ARHGAP45: variants seen among roughly 807,000 people sequenced by gnomAD.
The protein encoded by ARHGAP45 is Rho GTPase activating protein 45.
Under a neutral mutation model 116.1 loss-of-function variants are expected in ARHGAP45, and 56 were observed. That is an observed-to-expected ratio of 0.48 (90% CI 0.39 to 0.60). ARHGAP45 has a LOEUF of 0.60. Among genes scored for constraint, ARHGAP45 ranks in the 20% least tolerant of loss-of-function variants. ARHGAP45 has a pLI of 0.00. For synonymous variants in ARHGAP45, 866 were observed against 701.7 expected, an observed-to-expected ratio of 1.23 and a Z score of -3.70; for missense variants, 1,622 against 1,601.0, an observed-to-expected ratio of 1.01 and a Z score of -0.22.
In ARHGAP45 at chr19:1,083,125, C is replaced by T. The variant is rs1240299362; in HGVS notation, c.2745-18C>T. ...GTCCCGGGAGCCGCTCAGCACCTGG[C>T]CCCTGCCCACCCCGCAGGATCGTGG... On this transcript the variant is annotated intron_variant, in intron 20 of 22. Transcript: ENST00000313093. The T allele has an allele frequency of 3.1e-6, 5 of 1,595,270 alleles. No individual in the cohort carries two copies. Among genetic ancestry groups the T allele is most frequent in the Non-Finnish European group, 3.4e-6 (4 of 1,173,872 alleles).
intron 11 of ARHGAP45, among the ~76,000 whole-genome samples, 186 bp downstream of exon 11, chr19:1,078,231 C>T (rs2043317434): frequency 6.6e-6 from 1 of 152,006 alleles, no homozygotes; most frequent in Non-Finnish European, 1.5e-5. Context: ...GCAAGCTCCG[C>T]CTCCCGGGTT....
chr19:1,073,446 T>G, intron 3 of ARHGAP45, 60 bp from the exon 4 acceptor site: 1 of 1,583,570 alleles, frequency 6.3e-7, no homozygotes, highest in Non-Finnish European at 8.7e-7. Flanking sequence ...GGTCAGTTCT[T>G]GCAGGGATGG....
At position 1,079,938 on chromosome 19, in the gene ARHGAP45, C is replaced by G; in HGVS notation, c.1523C>G (p.Ser508Cys). Residue 508 changes from serine to cysteine, a missense_variant, in exon 13 of 23, where the codon TCC becomes TGC. Transcript: ENST00000313093. ...SDQTIKSATI[S>C]YYQMMHMQTA... ...CGGTGCCGCCCGCAGGCCACGATCTCCTACTACCAGATGATGCATATGCAG... is the reference window on the plus strand; with the variant it reads ...CGGTGCCGCCCGCAGGCCACGATCTGCTACTACCAGATGATGCATATGCAG... 1 of 1,610,960 alleles carries G rather than the reference C, an allele frequency of 6.2e-7. No individual in the cohort carries two copies. The highest frequency in any genetic ancestry group is 8.5e-7 in the Non-Finnish European group (1 of 1,178,426).
At position 1,069,732 on chromosome 19, in the gene ARHGAP45, C is replaced by T. The variant is rs568316668; in HGVS notation, c.421+988C>T. ...AATCTCGGTTCCTTTCCGATCCTGG[C>T]GCTTCCTTGGAGGCCTGGCCTGGGC... is the stretch of plus-strand genomic sequence containing the variant. On this transcript the variant is annotated intron_variant, in intron 2 of 22. Transcript: ENST00000313093. This position sits in a 1 kb window ranked among gnomAD's most constrained non-coding sequence, Gnocchi z 4.1. 5.3e-5 allele frequency among the ~76,000 whole-genome samples: 8 copies of T among 152,136 alleles called. No individual in the cohort carries two copies. The South Asian group carries it at 1.0e-3, about 20-fold the overall frequency.
Position 1,074,895 on chromosome 19 carries a change from G to T in ARHGAP45, c.1185+16G>T. The T allele has an allele frequency of 6.9e-7, 1 of 1,455,306 alleles. No individual in the cohort carries two copies. The allele number at this position is 1,455,306 out of a possible 1,614,324, so 90.1% of individuals were successfully genotyped here. A position where few individuals can be genotyped will look rare whatever the true frequency, so the allele number is the denominator to read the frequency against. ...GAGGAAGCTGGTGAGGCGGGCGGGC[G>T]GGGGCGGGCGGGGGCGGGCAGCGGG... On this transcript the variant is annotated intron_variant, in intron 10 of 22. Coordinates refer to ENST00000313093, the MANE Select transcript of ARHGAP45 (RefSeq NM_012292.5).
rs1022146910 is a variant in ARHGAP45, at chr19:1,081,366, G to T, written c.2191-184G>T. ...CCAGAAAACCAAGGGGCGGGAAGGA[G>T]AGGAGGCCACAGGGCAGGCGGGATC... On this transcript the variant is annotated intron_variant, in intron 17 of 22. Transcript: ENST00000313093. The T allele has an allele frequency of 9.2e-5, 63 of 683,926 alleles. No homozygotes were observed. In the Middle Eastern group the frequency reaches 2.5e-3, roughly 27 times the overall value. 42.4% of individuals were successfully genotyped at this position (683,926 alleles called of 1,614,324 possible).
chr19:1,065,965 G>A (rs28758984), upstream of ARHGAP45: 18 of 1,514,730 alleles, frequency 1.2e-5, no homozygotes, highest in Middle Eastern at 4.4e-4. Flanking sequence ...GGCCAGGGCC[G>A]GGCCAGAAGC....
chr19:1,075,024 G>T (rs962546819), intron 10 of ARHGAP45, 145 bp downstream of exon 10: 1 of 476,922 alleles, frequency 2.1e-6, no homozygotes, highest in Non-Finnish European at 2.9e-6. Context: ...CGCAGGCTGG[G>T]CCGCCCCCCC....
rs1043384488 is a variant in ARHGAP45 at position 1,086,161 on chromosome 19, C to T, written c.*155C>T. On this transcript the variant is annotated 3_prime_UTR_variant, in exon 23 of 23. Transcript: ENST00000313093. ...ACGTCCCACCAGCGGGCGCCTCCTC[C>T]CAGAGGCTTCCAGGAGCACGAGGGC... 2.2e-5 allele frequency: 14 copies of T among 649,638 alleles called. No homozygotes were observed. The highest frequency in any genetic ancestry group is 3.4e-5 in the Non-Finnish European group (13 of 379,524). 40.2% of individuals were successfully genotyped at this position (649,638 alleles called of 1,614,324 possible).
chr19:1,082,023 CG>C, intron 19 of ARHGAP45, 62 bp downstream of exon 19: 7 of 1,147,490 alleles, frequency 6.1e-6, no homozygotes, highest in African/African-American at 2.0e-5. Flanking sequence ...CAGGAGGAGG[CG>C]GGGTGGGGGT....
chr19:1,083,398 G>A, intron 21 of ARHGAP45, 45 bp downstream of exon 21: 1 of 1,484,176 alleles, frequency 6.7e-7, no homozygotes, highest in Non-Finnish European at 9.1e-7. Flanking sequence ...GGGGCTTGGG[G>A]AGCAGGGGGC....
At chr19:1,081,767 C>G (rs762620516) in intron 18 of ARHGAP45, 29 bp downstream of exon 18, 1 of 1,562,060 alleles carries the variant, frequency 6.4e-7, no homozygotes, top group South Asian at 1.2e-5. Flanking sequence ...CGGCTCACAG[C>G]GAGGAGGCGG....
At chr19:1,066,983 G>A (rs867180112), upstream of ARHGAP45, among the ~76,000 whole-genome samples, 1 of 152,190 alleles carries the variant, frequency 6.6e-6, no homozygotes, top group South Asian at 2.1e-4. Context: ...ACGTGTCTGT[G>A]CACGCCCACT....
intron 5 of ARHGAP45, 85 bp downstream of exon 5, chr19:1,073,831 G>A: frequency 6.5e-7 from 1 of 1,535,198 alleles, no homozygotes; most frequent in South Asian, 1.2e-5. Context: ...CAGTCACCCT[G>A]CTTCCCCTGT....
At position 1,073,962 on chromosome 19, in the gene ARHGAP45, G is replaced by A; in HGVS notation, c.738G>A (p.Leu246=). The change falls in exon 6 of 23, where the codon CTG becomes CTA. Residue 246 remains leucine, a synonymous_variant. Coordinates refer to ENST00000313093, the MANE Select transcript of ARHGAP45 (RefSeq NM_012292.5). The part of the protein sequence containing the change: ...PGDSSQSMES[L]YGPGSEGTPP... ...CCGTCCTACAGTCCATGGAAAGCCT[G>A]TATGGACCGGGCAGTGAGGGCACGC... 1 of 1,582,306 alleles carries A rather than the reference G, an allele frequency of 6.3e-7. No homozygotes were observed. Among genetic ancestry groups the A allele is most frequent in the Non-Finnish European group, 8.6e-7 (1 of 1,165,064 alleles).
intron 1 of ARHGAP45, chr19:1,067,728 G>C (rs2043065348): frequency 1.5e-6 from 1 of 687,218 alleles, no homozygotes; most frequent in Admixed American, 2.1e-5. Context: ...AGGGCTGGCC[G>C]CGGGGCCCAG....
rs1484400195 is a variant in ARHGAP45 at position 1,067,389 on chromosome 19, C to T, written c.-17C>T. The T allele has an allele frequency of 2.6e-6, 4 of 1,549,092 alleles. No individual in the cohort carries two copies. The highest frequency in any genetic ancestry group is 3.5e-6 in the Non-Finnish European group (4 of 1,150,878). On this transcript the variant is annotated 5_prime_UTR_variant, in exon 1 of 23. Transcript: ENST00000313093. ...ACCCCCAGCCCGCCCCCTCGGGCTC[C>T]CGGCCGGGGCCCCATCATGTTCTCC... is the stretch of plus-strand genomic sequence containing the variant.
At chr19:1,074,978 C>G (rs2043213313) in intron 10 of ARHGAP45, 99 bp downstream of exon 10, 1 of 1,001,666 alleles carries the variant, frequency 1.0e-6, no homozygotes, top group South Asian at 3.4e-5. Context: ...GCGGCGAGCT[C>G]CGCACACGCC....
chr19:1,066,184 G>T, upstream of ARHGAP45: 1 of 1,532,950 alleles, frequency 6.5e-7, no homozygotes, highest in Non-Finnish European at 8.7e-7. Flanking sequence ...ATGGGGTTTG[G>T]GAAAGGAAAG....
Sources: gnomAD v4.1 joint callset for allele counts (sites outside exome capture counted in the v4.1 genomes callset) on GRCh38, gnomAD v4.1.1 for gene constraint, Gnocchi (gnomAD v3.1) non-coding constraint, MANE v1.5 for transcripts, NCBI Gene and HGNC (gene_info 2026-07-23, HGNC 2026-07-21) for gene names.